ERBB4: variants seen among roughly 807,000 people sequenced by gnomAD.
ERBB4 encodes the protein receptor tyrosine-protein kinase erbB-4.
ERBB4 carries 42 observed loss-of-function variants against 158.0 expected under a neutral mutation model. The observed-to-expected ratio is 0.27, with a 90% CI of 0.21 to 0.34. The LOEUF (loss-of-function observed/expected upper bound fraction) is 0.34. Among genes scored for constraint, ERBB4 ranks in the 10% least tolerant of loss-of-function variants. The pLI is 1.00. For synonymous variants in ERBB4, 583 were observed against 558.7 expected (o/e 1.04, Z -0.61); for missense variants, 1,333 against 1,624.1 (o/e 0.82, Z 3.08).
chr2:212,126,310 A>G (rs936347235), intron 1 of ERBB4, among the ~76,000 whole-genome samples: 1 of 152,032 alleles, frequency 6.6e-6, no homozygotes, highest in Non-Finnish European at 1.5e-5. Context: ...AAATACAAAA[A>G]TTAGCTGGGC....
chr2:211,727,117 A>T (rs1460916154), intron 5 of ERBB4, among the ~76,000 whole-genome samples: 1 of 152,198 alleles, frequency 6.6e-6, no homozygotes, highest in Non-Finnish European at 1.5e-5. Flanking sequence ...TTAATGCAGC[A>T]GTCTATGTAG....
intron 25 of ERBB4, among the ~76,000 whole-genome samples, chr2:211,403,817 C>G (rs1230664538): frequency 6.6e-6 from 1 of 151,884 alleles, no homozygotes; most frequent in East Asian, 1.9e-4. Context: ...TTTATTTTTC[C>G]AGCATGGGCT....
At position 212,293,089 on chromosome 2, in the gene ERBB4, C is replaced by A. The variant is rs369221843; in HGVS notation, c.83-168186G>T. Among the ~76,000 whole-genome samples, 3 of 151,942 alleles carry A rather than the reference C, an allele frequency of 2.0e-5. No homozygotes were observed. The East Asian group carries it at 5.8e-4, about 30-fold the overall frequency. ...TACTGACAGTAGCTCCACATAATAA[C>A]CTAGAACAATTTTTAAATAAATAAA... On this transcript the variant is annotated intron_variant, in intron 1 of 27. Coordinates refer to ENST00000342788, the MANE Select transcript of ERBB4 (RefSeq NM_005235.3).
intron 1 of ERBB4, among the ~76,000 whole-genome samples, chr2:212,287,972 G>C (rs140394426): frequency 2.0e-5 from 3 of 152,208 alleles, no homozygotes; most frequent in East Asian, 3.9e-4. Context: ...TAATACCTGG[G>C]CTATGAAATA....
At chr2:211,863,556 A>G (rs902641938) in intron 3 of ERBB4, among the ~76,000 whole-genome samples, 8 of 152,146 alleles carry the variant, frequency 5.3e-5, no homozygotes, top group African/African-American at 1.7e-4. Context: ...GGAGGAACAA[A>G]CTACTCCAGA....
intron 1 of ERBB4, among the ~76,000 whole-genome samples, chr2:212,520,616 AT>A (rs1205570549): frequency 3.9e-5 from 6 of 151,948 alleles, no homozygotes; most frequent in African/African-American, 1.4e-4. Flanking sequence ...GTCTAAAAAA[AT>A]AGCTTTCATT....
intron 1 of ERBB4, among the ~76,000 whole-genome samples, chr2:212,185,665 T>C (rs1405855421): frequency 2.6e-5 from 4 of 151,962 alleles, no homozygotes; most frequent in Non-Finnish European, 4.4e-5. Context: ...CTAGGGAGAT[T>C]GGTTTCTCAG....
At chr2:211,843,936 G>C (rs1052658059) in intron 3 of ERBB4, among the ~76,000 whole-genome samples, 1 of 152,038 alleles carries the variant, frequency 6.6e-6, no homozygotes, top group Non-Finnish European at 1.5e-5. Flanking sequence ...GAGTTTCAGA[G>C]GGGTCAAATG....
chr2:211,423,016 T>C (rs1387640421), intron 23 of ERBB4, among the ~76,000 whole-genome samples: 1 of 151,894 alleles, frequency 6.6e-6, no homozygotes, highest in African/African-American at 2.4e-5. Context: ...GGTGTCATTT[T>C]ATGTATCATT....
intron 20 of ERBB4, among the ~76,000 whole-genome samples, chr2:211,440,748 T>A (rs2063954932): frequency 6.6e-6 from 1 of 152,216 alleles, no homozygotes; most frequent in South Asian, 2.1e-4. Context: ...CTTATCTATA[T>A]GTCCAGGTGG....
intron 1 of ERBB4, among the ~76,000 whole-genome samples, chr2:212,225,637 ATTTATATAT>A (rs1312005303): frequency 6.7e-6 from 1 of 148,926 alleles, no homozygotes; most frequent in Non-Finnish European, 1.5e-5. Context: ...CATATGTAAT[ATTTATATAT>A]TATATCACAT....
intron 23 of ERBB4, among the ~76,000 whole-genome samples, chr2:211,423,201 A>C (rs1328936019): frequency 6.6e-6 from 1 of 151,976 alleles, no homozygotes; most frequent in Non-Finnish European, 1.5e-5. Context: ...CTTTCCAACT[A>C]AATATTGAGT....
At chr2:211,550,594 T>TATATATATATATAAAA (rs1256961213) in intron 20 of ERBB4, among the ~76,000 whole-genome samples, 4 of 145,270 alleles carry the variant, frequency 2.8e-5, no homozygotes, top group Non-Finnish European at 4.5e-5. Flanking sequence ...TATATATATA[T>TATATATATATATAAAA]AAATATATAG....
intron 2 of ERBB4, among the ~76,000 whole-genome samples, chr2:211,962,837 G>A (rs574425570): frequency 6.6e-6 from 1 of 152,110 alleles, no homozygotes; most frequent in South Asian, 2.1e-4. Flanking sequence ...CTTGGTTGAT[G>A]GCGCTTTAAA....
At chr2:211,464,831 C>T (rs1032251082) in intron 20 of ERBB4, among the ~76,000 whole-genome samples, 1 of 151,932 alleles carries the variant, frequency 6.6e-6, no homozygotes, top group African/African-American at 2.4e-5. Flanking sequence ...TCACTATATC[C>T]ATGAAGTCCC....
At chr2:211,949,218 G>A (rs1346437646) in intron 2 of ERBB4, among the ~76,000 whole-genome samples, 1 of 152,066 alleles carries the variant, frequency 6.6e-6, no homozygotes, top group Non-Finnish European at 1.5e-5. Flanking sequence ...GATCCCTATG[G>A]TGTATTCTCA....
At chr2:212,017,460 T>C (rs192295684) in intron 2 of ERBB4, among the ~76,000 whole-genome samples, 27 of 152,186 alleles carry the variant, frequency 1.8e-4, no homozygotes, top group Admixed American at 3.9e-4. Flanking sequence ...TGGAACATAA[T>C]GTAATAAAAC....
At chr2:212,390,197 T>C (rs1374486821) in intron 1 of ERBB4, among the ~76,000 whole-genome samples, 4 of 151,834 alleles carry the variant, frequency 2.6e-5, no homozygotes, top group Non-Finnish European at 5.9e-5. Context: ...TAAAATGTAG[T>C]CATACCACAA....
intron 3 of ERBB4, among the ~76,000 whole-genome samples, chr2:211,794,082 A>G (rs1353877905): frequency 6.6e-6 from 1 of 152,004 alleles, no homozygotes; most frequent in East Asian, 1.9e-4. Context: ...TTTCAAGATG[A>G]AATTATTAGA....
Sources: gnomAD v4.1 joint callset for allele counts (sites outside exome capture counted in the v4.1 genomes callset) on GRCh38, gnomAD v4.1.1 for gene constraint, MANE v1.5 for transcripts, NCBI Gene and HGNC (gene_info 2026-07-23, HGNC 2026-07-21) for gene names.